Variants in FAT4 observed in about 807,000 individuals in gnomAD.
The protein encoded by FAT4 is protocadherin Fat 4.
A neutral mutation model predicts 303.9 loss-of-function variants in FAT4; 84 were observed. That is an observed-to-expected ratio of 0.28 (90% CI 0.23 to 0.33). FAT4 has a LOEUF of 0.33. Among genes scored for constraint, FAT4 ranks in the 10% least tolerant of loss-of-function variants. The pLI is 1.00. For synonymous variants in FAT4, 2,307 were observed against 2,298.8 expected (o/e 1.00, Z -0.10); for missense variants, 6,005 against 6,146.8 (o/e 0.98, Z 0.77).
At chr4:125,485,037 A>G (rs1483613560) in intron 16 of FAT4, among the ~76,000 whole-genome samples, 3 of 151,942 alleles carry the variant, frequency 2.0e-5, no homozygotes, top group African/African-American at 7.3e-5. Flanking sequence ...ATTTTTTTGT[A>G]GGGATGAGGT....
At chr4:125,434,181 A>T in intron 7 of FAT4, 64 bp from the exon 8 acceptor site, 1 of 1,503,786 alleles carries the variant, frequency 6.6e-7, no homozygotes, top group Non-Finnish European at 9.0e-7. Flanking sequence ...TCTACAGCTA[A>T]TTTTTGTTAA....
At position 125,316,546 on chromosome 4, in the gene FAT4, G is replaced by T; in HGVS notation, c.135G>T (p.Pro45=). ...PGQAWVHGAE[P]RQVFQVLEEQ... Reference sequence around the variant, plus strand: ...AGGCCTGGGTCCACGGGGCCGAGCCGCGCCAGGTGTTCCAAGTGCTGGAAG... The same window carrying T: ...AGGCCTGGGTCCACGGGGCCGAGCCTCGCCAGGTGTTCCAAGTGCTGGAAG... Residue 45 remains proline (P), a synonymous_variant, in exon 2 of 18, where the codon CCG becomes CCT. Transcript: ENST00000394329. The surrounding 1 kb of genome is among the most constrained non-coding windows in gnomAD (Gnocchi z 5.7). The T allele has an allele frequency of 6.2e-7, 1 of 1,613,996 alleles. No individual in the cohort carries two copies.
chr4:125,467,525 C>T lies in FAT4; in HGVS notation c.11906-987C>T, dbSNP rs1726708324. ...ATAACATTGTAACATCAATAAAACT[C>T]ATTTTTCAAGTTTGAAAAAGAACCA... On this transcript the variant is annotated intron_variant, in intron 11 of 17. Transcript: ENST00000394329. Among the ~76,000 whole-genome samples the T allele has an allele frequency of 2.6e-5, 4 of 152,248 alleles. No homozygotes were observed. In the Middle Eastern group the frequency reaches 0.014, roughly 518 times the overall value.
At chr4:125,328,229 A>G (rs1229830490) in intron 2 of FAT4, among the ~76,000 whole-genome samples, 3 of 152,234 alleles carry the variant, frequency 2.0e-5, no homozygotes, top group Non-Finnish European at 2.9e-5. Context: ...GAATGCAGAC[A>G]GGTGAAAATA....
At chr4:125,322,103 T>G (rs938911308) in intron 2 of FAT4, among the ~76,000 whole-genome samples, 2 of 152,174 alleles carry the variant, frequency 1.3e-5, no homozygotes, top group Non-Finnish European at 2.9e-5. Context: ...GGCAGTTTCT[T>G]TATAGACAGT....
intron 2 of FAT4, among the ~76,000 whole-genome samples, chr4:125,368,897 T>C (rs1732994535): frequency 6.6e-6 from 1 of 152,190 alleles, no homozygotes; most frequent in Non-Finnish European, 1.5e-5. Flanking sequence ...GTTTCATCTA[T>C]TTGTGCTTTG....
chr4:125,412,775 T>C (rs1045558017), intron 5 of FAT4, among the ~76,000 whole-genome samples: 1 of 151,922 alleles, frequency 6.6e-6, no homozygotes, highest in Non-Finnish European at 1.5e-5. Context: ...GTATTTTTAA[T>C]GTATTTTGAT....
chr4:125,340,499 G>T (rs1379378945), intron 2 of FAT4, among the ~76,000 whole-genome samples: 1 of 152,126 alleles, frequency 6.6e-6, no homozygotes, highest in South Asian at 2.1e-4. Context: ...TTCTCCTCCT[G>T]CCTCAGTCTC....
chr4:125,441,343 G>T (rs1220835240), intron 8 of FAT4, among the ~76,000 whole-genome samples: 5 of 152,154 alleles, frequency 3.3e-5, no homozygotes, highest in Admixed American at 3.3e-4. Flanking sequence ...AGGAATGAAA[G>T]ATATTCTAGG....
chr4:125,423,642 C>T (rs1244586904), intron 7 of FAT4, among the ~76,000 whole-genome samples: 2 of 152,202 alleles, frequency 1.3e-5, no homozygotes, highest in East Asian at 1.9e-4. Context: ...AGGCCAGCAT[C>T]CTCCAGACCC....
rs929218170 is a variant in FAT4 at position 125,479,968 on chromosome 4, TAAATATTA to T, written c.12604+114_12604+121del. 1.0e-4 allele frequency: 88 copies of T among 881,924 alleles called. No homozygotes were observed. The African/African-American group carries it at 1.0e-3, about 10-fold the overall frequency. 54.6% of individuals were successfully genotyped at this position (881,924 alleles called of 1,614,324 possible). Reference sequence around the variant, plus strand: ...CAAATTAAAAATTATGCTTTCATTCTAAATATTAAAATATTAAATGGACAATAATTGGT... The same window carrying T: ...CAAATTAAAAATTATGCTTTCATTCTAAATATTAAATGGACAATAATTGGT... On this transcript the variant is annotated intron_variant, in intron 15 of 17. Coordinates refer to ENST00000394329, the MANE Select transcript of FAT4 (RefSeq NM_001291303.3).
chr4:125,360,466 C>T (rs1280261786), intron 2 of FAT4, among the ~76,000 whole-genome samples: 1 of 152,042 alleles, frequency 6.6e-6, no homozygotes, highest in East Asian at 1.9e-4. Context: ...CACAGATTAG[C>T]CGTTCTTATT....
intron 2 of FAT4, among the ~76,000 whole-genome samples, chr4:125,345,792 A>G (rs550797023): frequency 6.6e-6 from 1 of 152,056 alleles, no homozygotes. Flanking sequence ...TTTTAATCAC[A>G]TATATACATG....
rs780014957 is a variant in FAT4, at chr4:125,434,314, C to T, written c.7088C>T (p.Thr2363Ile). 4 of 1,613,916 alleles carry T rather than the reference C, an allele frequency of 2.5e-6. No homozygotes were observed. Among genetic ancestry groups the T allele is most frequent in the Non-Finnish European group, 2.5e-6 (3 of 1,179,948 alleles). The change falls in exon 8 of 18, where the codon ACA becomes ATA. Residue 2363 changes from threonine to isoleucine, a missense_variant. By Grantham distance (89) the Thr-to-Ile change is moderately conservative. Transcript: ENST00000394329. Reference protein sequence around the residue: ...IVDDVNDNVPTFASKAYFTTI... With the variant: ...IVDDVNDNVPIFASKAYFTTI... Reference sequence around the variant, plus strand: ...GATGATGTCAATGACAATGTCCCCACATTTGCCAGTAAAGCGTATTTCACA... The same window carrying T: ...GATGATGTCAATGACAATGTCCCCATATTTGCCAGTAAAGCGTATTTCACA...
At chr4:125,474,069 G>A (rs1348020280) in intron 12 of FAT4, among the ~76,000 whole-genome samples, 1 of 151,942 alleles carries the variant, frequency 6.6e-6, no homozygotes, top group Non-Finnish European at 1.5e-5. Flanking sequence ...AAATTCAACA[G>A]TAAAAGAGAA....
intron 2 of FAT4, among the ~76,000 whole-genome samples, chr4:125,329,617 A>C (rs1447936917): frequency 2.0e-5 from 3 of 152,064 alleles, no homozygotes. Context: ...ACATATATAC[A>C]CTGATGACTC....
At chr4:125,352,609 C>T (rs1390645178) in intron 2 of FAT4, among the ~76,000 whole-genome samples, 1 of 151,664 alleles carries the variant, frequency 6.6e-6, no homozygotes, top group East Asian at 1.9e-4. Flanking sequence ...GTGTTTTCTG[C>T]ACTTCATTTG....
intron 8 of FAT4, among the ~76,000 whole-genome samples, chr4:125,441,891 A>G (rs1338522741): frequency 6.6e-6 from 1 of 152,162 alleles, no homozygotes; most frequent in East Asian, 1.9e-4. Context: ...AATTTATTCT[A>G]TATCTTTGAC....
chr4:125,387,237 T>A (rs992800446), intron 2 of FAT4, among the ~76,000 whole-genome samples: 1 of 152,310 alleles, frequency 6.6e-6, no homozygotes, highest in African/African-American at 2.4e-5. Flanking sequence ...AGTCAAAGGT[T>A]TGTGTCTTTT....
Sources: gnomAD v4.1 joint callset for allele counts (sites outside exome capture counted in the v4.1 genomes callset) on GRCh38, gnomAD v4.1.1 for gene constraint, Gnocchi (gnomAD v3.1) non-coding constraint, MANE v1.5 for transcripts, NCBI Gene and HGNC (gene_info 2026-07-23, HGNC 2026-07-21) for gene names.